The following TDRD12 variants were observed in gnomAD, a reference collection of about 807,000 sequenced individuals.
The protein encoded by TDRD12 is tudor domain containing 12.
TDRD12 carries 158 observed loss-of-function variants against 133.5 expected under a neutral mutation model. The observed-to-expected ratio is 1.18, with a 90% CI of 1.04 to 1.35. The LOEUF is 1.35. TDRD12 is among the 40% of genes most tolerant of loss of function. The pLI is 0.00. For missense variants in TDRD12, 1,443 were observed against 1,321.3 expected, an observed-to-expected ratio of 1.09 and a Z score of -1.43; for synonymous variants, 460 against 477.9, an observed-to-expected ratio of 0.96 and a Z score of 0.49.
At chr19:32,739,918 A>G (rs1343617627) in intron 3 of TDRD12, among the ~76,000 whole-genome samples, 198 of 60,976 alleles carry the variant, frequency 3.2e-3, no homozygotes, top group Middle Eastern at 0.036. Context: ...TCTCCTGGGT[A>G]CTCTCTGCAT....
At chr19:32,737,224 G>A (rs1969250934) in intron 2 of TDRD12, among the ~76,000 whole-genome samples, 1 of 152,170 alleles carries the variant, frequency 6.6e-6, no homozygotes, top group Admixed American at 6.5e-5. Flanking sequence ...GATTGATTGA[G>A]ACAAACTCTC....
intron 1 of TDRD12, among the ~76,000 whole-genome samples, chr19:32,721,771 G>A (rs943941234): frequency 4.7e-5 from 7 of 149,078 alleles, no homozygotes; most frequent in South Asian, 2.1e-4. Context: ...GCAGTGGCGC[G>A]ATCTCAGCTC....
At chr19:32,759,658 C>G (rs1251344557) in intron 8 of TDRD12, among the ~76,000 whole-genome samples, 1 of 152,154 alleles carries the variant, frequency 6.6e-6, no homozygotes, top group African/African-American at 2.4e-5. Context: ...GCCTTTCTTT[C>G]CAAAGTTTTC....
chr19:32,793,342 A>G (rs756177020), intron 13 of TDRD12, among the ~76,000 whole-genome samples: 1 of 152,198 alleles, frequency 6.6e-6, no homozygotes, highest in Non-Finnish European at 1.5e-5. Context: ...CTTTGTCAAG[A>G]AGATATTAAA....
chr19:32,815,237 G>A (rs1967137296), intron 25 of TDRD12, among the ~76,000 whole-genome samples: 1 of 152,142 alleles, frequency 6.6e-6, no homozygotes, highest in African/African-American at 2.4e-5. Flanking sequence ...ATATTTCTGT[G>A]GCATGGGGTG....
At chr19:32,722,965 C>T (rs1280357738) in intron 1 of TDRD12, among the ~76,000 whole-genome samples, 1 of 152,116 alleles carries the variant, frequency 6.6e-6, no homozygotes, top group Non-Finnish European at 1.5e-5. Flanking sequence ...CAGGCAAGAA[C>T]TGCTGCACCT....
At chr19:32,828,704 A>G (rs1967665281) in exon 10 of TDRD12, 1 of 152,182 alleles carries the variant, frequency 6.6e-6, no homozygotes, top group African/African-American at 2.4e-5. Flanking sequence ...TTTGTCATCA[A>G]GCTGTCCTGT....
At chr19:32,806,535 G>T (rs1443079520) in intron 21 of TDRD12, among the ~76,000 whole-genome samples, 1 of 151,744 alleles carries the variant, frequency 6.6e-6, no homozygotes. Flanking sequence ...TAGAGATGGG[G>T]TTCGCCATGT....
chr19:32,816,270 A>G (rs948877850), intron 26 of TDRD12, among the ~76,000 whole-genome samples: 1 of 152,184 alleles, frequency 6.6e-6, no homozygotes, highest in African/African-American at 2.4e-5. Flanking sequence ...CTGTGTAACC[A>G]GCCCAGATCA....
At chr19:32,733,204 C>T (rs1969113332) in intron 2 of TDRD12, among the ~76,000 whole-genome samples, 1 of 152,058 alleles carries the variant, frequency 6.6e-6, no homozygotes, top group Non-Finnish European at 1.5e-5. Flanking sequence ...CGTGGTGGCC[C>T]ACGCCTGTAA....
chr19:32,745,472 C>T (rs1423713664), intron 4 of TDRD12, among the ~76,000 whole-genome samples: 1 of 152,168 alleles, frequency 6.6e-6, no homozygotes, highest in Non-Finnish European at 1.5e-5. Flanking sequence ...ATACTGCCAT[C>T]ATTGGGGTAT....
At chr19:32,757,206 T>C (rs1970021782) in intron 8 of TDRD12, 76 bp downstream of exon 8, 4 of 1,241,424 alleles carry the variant, frequency 3.2e-6, no homozygotes, top group Non-Finnish European at 4.6e-6. Context: ...ATTAGAAAGG[T>C]TGTCTAGAAA....
chr19:32,818,112 C>G (rs1967246233), exon 27 of TDRD12: 1 of 702,678 alleles, frequency 1.4e-6, no homozygotes, highest in Non-Finnish European at 2.6e-6. Flanking sequence ...GGGACCAGTC[C>G]TGCTCAAGAC....
intron 27 of TDRD12, 92 bp from the exon 28 acceptor site, chr19:32,820,941 G>T: frequency 9.9e-7 from 1 of 1,011,072 alleles, no homozygotes; most frequent in Non-Finnish European, 1.4e-6. Context: ...CACGGCCACA[G>T]GCACTTCACG....
At chr19:32,763,612 TC>T (rs534620952) in intron 8 of TDRD12, among the ~76,000 whole-genome samples, 1,640 of 152,290 alleles carry the variant, frequency 0.011, 34 homozygotes, top group African/African-American at 0.037. Context: ...TAGTTACTTT[TC>T]CCCTCTTCCT....
At chr19:32,783,613 ATTTG>A (rs1332665169) in intron 11 of TDRD12, among the ~76,000 whole-genome samples, 7 of 152,118 alleles carry the variant, frequency 4.6e-5, no homozygotes, top group Non-Finnish European at 1.0e-4. Context: ...ATGTTTTTCC[ATTTG>A]TTTGTGTCCT....
At chr19:32,796,765 G>A (rs1012101815) in intron 14 of TDRD12, among the ~76,000 whole-genome samples, 1 of 152,092 alleles carries the variant, frequency 6.6e-6, no homozygotes, top group African/African-American at 2.4e-5. Flanking sequence ...CGTCCCTGTG[G>A]CCCCCAGCTT....
intron 7 of TDRD12, among the ~76,000 whole-genome samples, chr19:32,756,411 G>A (rs1969994934): frequency 6.6e-6 from 1 of 151,510 alleles, no homozygotes. Context: ...TTTTTGAGAC[G>A]GAGTCTCGGT....
At chr19:32,825,395 G>A (rs1967556660), downstream of TDRD12, among the ~76,000 whole-genome samples, 1 of 152,154 alleles carries the variant, frequency 6.6e-6, no homozygotes, top group Admixed American at 6.6e-5. This position sits in a 1 kb window ranked among gnomAD's most constrained non-coding sequence, Gnocchi z 4.1. Flanking sequence ...TTGAGAATAT[G>A]TCATGTCCAG....
Sources: allele counts gnomAD v4.1 joint callset (sites outside exome capture counted in the v4.1 genomes callset), GRCh38; gene constraint gnomAD v4.1.1; non-coding constraint Gnocchi (gnomAD v3.1); transcripts MANE v1.5; gene names NCBI Gene and HGNC (gene_info 2026-07-23, HGNC 2026-07-21).